The following CHST11 variants were observed in gnomAD, a reference collection of about 807,000 sequenced individuals.
CHST11 encodes C4S-1.
CHST11 carries 9 observed loss-of-function variants against 30.4 expected under a neutral mutation model. The observed-to-expected ratio is 0.30, with a 90% confidence interval of 0.18 to 0.52. The LOEUF is 0.52. CHST11 is among the 20% of genes least tolerant of loss of function. CHST11 has a pLI of 0.97. For synonymous variants in CHST11, 152 were observed against 187.8 expected, an observed-to-expected ratio of 0.81 and a Z score of 1.56; for missense variants, 348 against 460.6, an observed-to-expected ratio of 0.76 and a Z score of 2.24.
intron 1 of CHST11, among the ~76,000 whole-genome samples, chr12:104,554,194 A>C (rs913319769): frequency 6.6e-6 from 1 of 152,128 alleles, no homozygotes; most frequent in Non-Finnish European, 1.5e-5. Context: ...CTTATGCTCA[A>C]GGGGGAAGGG....
chr12:104,533,694 T>G (rs1487886914), intron 1 of CHST11, among the ~76,000 whole-genome samples: 1 of 152,204 alleles, frequency 6.6e-6, no homozygotes, highest in Non-Finnish European at 1.5e-5. Context: ...CAGAAGACAC[T>G]TGGAGTCTTA....
At chr12:104,747,743 A>T (rs1298490486) in intron 2 of CHST11, among the ~76,000 whole-genome samples, 1 of 152,130 alleles carries the variant, frequency 6.6e-6, no homozygotes, top group East Asian at 1.9e-4. Flanking sequence ...ACCCTCAGTC[A>T]CTTAATGCTT....
chr12:104,536,073 C>T (rs1395570856), intron 1 of CHST11, among the ~76,000 whole-genome samples: 2 of 152,178 alleles, frequency 1.3e-5, no homozygotes, highest in Non-Finnish European at 1.5e-5. Context: ...ATTCACTTTG[C>T]TGGTTTTTTC....
At chr12:104,500,056 A>G (rs1484687598) in intron 1 of CHST11, among the ~76,000 whole-genome samples, 1 of 152,082 alleles carries the variant, frequency 6.6e-6, no homozygotes, top group Non-Finnish European at 1.5e-5. Context: ...TTTGAGATGC[A>G]TTTGCTGGGC....
intron 1 of CHST11, among the ~76,000 whole-genome samples, chr12:104,543,625 A>C (rs979195111): frequency 6.6e-6 from 1 of 152,044 alleles, no homozygotes; most frequent in African/African-American, 2.4e-5. Flanking sequence ...GAGGGAAATT[A>C]ATGCATTTGG....
intron 1 of CHST11, among the ~76,000 whole-genome samples, chr12:104,507,871 A>C (rs561589404): frequency 2.0e-4 from 30 of 152,306 alleles, no homozygotes; most frequent in African/African-American, 7.0e-4. Context: ...CCCATTGGCC[A>C]CAGCAAGTCA....
chr12:104,569,105 A>T (rs2038598262), intron 1 of CHST11, among the ~76,000 whole-genome samples: 1 of 152,174 alleles, frequency 6.6e-6, no homozygotes, highest in African/African-American at 2.4e-5. Context: ...GGAGAGGGTT[A>T]GTATCCACGG....
chr12:104,457,980 C>T (rs1182623393), intron 1 of CHST11, among the ~76,000 whole-genome samples: 3 of 151,974 alleles, frequency 2.0e-5, no homozygotes, highest in East Asian at 3.9e-4. Flanking sequence ...GCTCTGCGCC[C>T]GGGCGAGCCG....
chr12:104,503,059 A>T (rs2037867707), intron 1 of CHST11, among the ~76,000 whole-genome samples: 1 of 152,242 alleles, frequency 6.6e-6, no homozygotes, highest in East Asian at 1.9e-4. Context: ...TTTAGGTTAG[A>T]GAGTAATGTA....
chr12:104,699,235 G>A (rs1024381401), intron 2 of CHST11, among the ~76,000 whole-genome samples: 1 of 152,208 alleles, frequency 6.6e-6, no homozygotes, highest in African/African-American at 2.4e-5. Flanking sequence ...ATACAGATCT[G>A]TGCTTTCCAG....
intron 2 of CHST11, among the ~76,000 whole-genome samples, chr12:104,628,717 G>A (rs766380669): frequency 1.3e-4 from 20 of 152,050 alleles, no homozygotes; most frequent in South Asian, 2.1e-4. Context: ...TCCTGCCACC[G>A]GGCCTTTGCA....
chr12:104,665,969 G>A (rs1358005512), intron 2 of CHST11, among the ~76,000 whole-genome samples: 4 of 151,650 alleles, frequency 2.6e-5, no homozygotes, highest in Non-Finnish European at 4.4e-5. Context: ...ACAGGTGCCC[G>A]TCACCATGCC....
chr12:104,708,455 T>C (rs2040055862), intron 2 of CHST11, among the ~76,000 whole-genome samples: 1 of 152,192 alleles, frequency 6.6e-6, no homozygotes, highest in Admixed American at 6.5e-5. Context: ...TGGGCCCAGA[T>C]ACCTCTTTTG....
At chr12:104,491,941 T>C (rs2037751403) in intron 1 of CHST11, among the ~76,000 whole-genome samples, 1 of 152,086 alleles carries the variant, frequency 6.6e-6, no homozygotes, top group Non-Finnish European at 1.5e-5. Context: ...CATGTGGATC[T>C]TCCTCCTGTC....
intron 1 of CHST11, among the ~76,000 whole-genome samples, chr12:104,457,785 GTT>G (rs35612022): frequency 1.5e-4 from 20 of 137,676 alleles, no homozygotes; most frequent in African/African-American, 3.7e-4. Flanking sequence ...AGGGGCGGTA[GTT>G]TTTTTTTTTT....
At chr12:104,684,306 A>G (rs532497848) in intron 2 of CHST11, among the ~76,000 whole-genome samples, 3,002 of 129,798 alleles carry the variant, frequency 0.023, 106 homozygotes, top group African/African-American at 0.082. Context: ...ATGGATGGAT[A>G]GATGGGTGAG....
chr12:104,638,915 G>A (rs1391870384), intron 2 of CHST11, among the ~76,000 whole-genome samples: 1 of 152,192 alleles, frequency 6.6e-6, no homozygotes, highest in East Asian at 1.9e-4. Context: ...CCAAATACCA[G>A]TGGCAGGCAC....
At chr12:104,490,740 C>T (rs1274216531) in intron 1 of CHST11, among the ~76,000 whole-genome samples, 1 of 152,130 alleles carries the variant, frequency 6.6e-6, no homozygotes, top group African/African-American at 2.4e-5. Context: ...ATGGATTCTT[C>T]ACCAGAACTG....
Position 104,760,284 on chromosome 12 carries a change from A to T in CHST11, c.*2481A>T, listed in dbSNP as rs2040513219. The T allele has an allele frequency of 6.6e-6, 1 of 152,102 alleles. No individual in the cohort carries two copies. 9.4% of individuals were successfully genotyped at this position (152,102 alleles called of 1,614,324 possible). On this transcript the variant is annotated 3_prime_UTR_variant, in exon 3 of 3. Transcript: ENST00000303694. The stretch of plus-strand genomic sequence containing the variant: ...AAAAAAAAATACAAAATAGCACCAC[A>T]GTCTCCATCTGGTTTATAGCAACAG...
Sources: gnomAD v4.1 joint callset for allele counts (sites outside exome capture counted in the v4.1 genomes callset) on GRCh38, gnomAD v4.1.1 for gene constraint, MANE v1.5 for transcripts, NCBI Gene and HGNC (gene_info 2026-07-23, HGNC 2026-07-21) for gene names.